STARD8: variants seen among roughly 807,000 people sequenced by gnomAD.
STARD8 encodes the protein stAR-related lipid transfer protein 8.
A neutral mutation model predicts 69.4 loss-of-function variants in STARD8; 25 were observed. The ratio of observed to expected loss-of-function variants is 0.36; its 90% CI spans 0.26 to 0.50. The LOEUF (loss-of-function observed/expected upper bound fraction) is 0.50. Ranked by LOEUF, STARD8 falls within the 20% of genes least tolerant of loss-of-function variation. The probability of loss-of-function intolerance (pLI) is 0.96; values close to 1 mark genes in which losing one functional copy is unlikely to be tolerated. For synonymous variants in STARD8, 389 were observed against 374.6 expected (o/e 1.04, Z -0.45); for missense variants, 921 against 932.5 (o/e 0.99, Z 0.16).
At chrX:68,721,929 G>T (rs1319473993) in intron 10 of STARD8, 118 bp from the exon 11 acceptor site, 5 of 812,682 alleles carry the variant, frequency 6.2e-6, no homozygotes, top group Non-Finnish European at 7.0e-6. Flanking sequence ...AAGGCAGCAG[G>T]TTGTTTTGTG....
rs183351756 is a variant in STARD8, at chrX:68,724,112, C to T, written c.3185C>T (p.Ala1062Val). Residue 1062 changes from alanine to valine, a missense_variant, in exon 14 of 15, where the codon GCT becomes GTT. By Grantham distance (64) the Ala-to-Val change is moderately conservative. Coordinates refer to ENST00000374599, the MANE Select transcript of STARD8 (RefSeq NM_001142503.3). The stretch of plus-strand genomic sequence containing the variant: ...TCTCGGCTCACACACATCTGCCGGG[C>T]TGACCTCAGGTATCAGGCCTGGGAC... ...GRSRLTHICR[A>V]DLRGRSPDWY... 36 of 1,208,534 alleles carry T rather than the reference C, an allele frequency of 3.0e-5. No individual in the cohort carries two copies. In the East Asian group the frequency reaches 9.5e-4, roughly 32 times the overall value.
At chrX:68,683,085 A>C (rs919257079) in intron 2 of STARD8, among the ~76,000 whole-genome samples, 1 of 112,258 alleles carries the variant, frequency 8.9e-6, no homozygotes, top group Non-Finnish European at 1.9e-5. Flanking sequence ...CAGGATTAGC[A>C]TCGATATAGG....
intron 3 of STARD8, among the ~76,000 whole-genome samples, chrX:68,713,810 C>G (rs768593163): frequency 2.7e-5 from 3 of 111,731 alleles, no homozygotes; most frequent in Non-Finnish European, 5.6e-5. Context: ...AGACCTCATC[C>G]CCAAGCTCCA....
chrX:68,720,345 C>T lies in STARD8; in HGVS notation c.1971C>T (p.His657=), dbSNP rs780054420. Residue 657 remains histidine (H), a synonymous_variant, in exon 8 of 15, where the codon CAC becomes CAT. Transcript: ENST00000374599. The part of the protein sequence containing the change: ...QHVFGVPPLI[H]VQRTGQPLPQ... Reference sequence around the variant, plus strand: ...TATTTGGGGTGCCACCCCTCATCCACGTGCAGCGCACGGGCCAGCCACTGC... The same window carrying T: ...TATTTGGGGTGCCACCCCTCATCCATGTGCAGCGCACGGGCCAGCCACTGC... 9 of 1,204,218 alleles carry T rather than the reference C, an allele frequency of 7.5e-6. No homozygotes were observed. Among genetic ancestry groups the T allele is most frequent in the African/African-American group, 6.9e-5 (4 of 57,741 alleles).
At position 68,717,587 on chromosome X, in the gene STARD8, C is replaced by T; in HGVS notation, c.673C>T (p.Gln225Ter). Reference protein sequence around the residue: ...SLRRKEKSGSQQAEPKHSPAT... With the variant: ...SLRRKEKSGS Reference sequence around the variant, plus strand: ...GAGGCGGAAGGAAAAGAGTGGCAGCCAGCAAGCAGAGCCCAAGCATAGTCC... The same window carrying T: ...GAGGCGGAAGGAAAAGAGTGGCAGCTAGCAAGCAGAGCCCAAGCATAGTCC... Residue 225 changes from glutamine (Q) to a stop codon, truncating the protein, a stop_gained, in exon 6 of 15, where the codon CAG becomes TAG. Transcript: ENST00000374599. LOFTEE classifies it high-confidence loss of function. 8.3e-7 allele frequency: 1 copy of T among 1,211,948 alleles called. No individual in the cohort carries two copies. The highest frequency in any genetic ancestry group is 1.1e-6 in the Non-Finnish European group (1 of 895,589).
chrX:68,708,213 A>T (rs759607699), intron 2 of STARD8, among the ~76,000 whole-genome samples: 1 of 112,916 alleles, frequency 8.9e-6, no homozygotes, highest in Non-Finnish European at 1.9e-5. Context: ...CAAAGCTTAG[A>T]GAATGACACG....
In STARD8 at chrX:68,721,617, C is replaced by A. The variant is rs1456446156; in HGVS notation, c.2330C>A (p.Thr777Asn). 1.7e-6 allele frequency: 2 copies of A among 1,210,739 alleles called. No homozygotes were observed. The highest frequency in any genetic ancestry group is 1.8e-5 in the South Asian group (1 of 56,855). Residue 777 changes from threonine to asparagine, a missense_variant, in exon 10 of 15, where the codon ACC becomes AAC. Physicochemically the swap from Thr to Asn is moderately conservative, Grantham distance 65 (BLOSUM62 0). Coordinates refer to ENST00000374599, the MANE Select transcript of STARD8 (RefSeq NM_001142503.3). ...LPDENREVLQ[T>N]LLYFLSDIAS... ...GATGAGAACCGAGAGGTGCTACAGA[C>A]CCTGCTCTACTTCTTAAGTGACATT...
At chrX:68,680,222 G>A (rs1400618031) in intron 2 of STARD8, among the ~76,000 whole-genome samples, 2 of 111,918 alleles carry the variant, frequency 1.8e-5, no homozygotes, top group Non-Finnish European at 3.8e-5. Flanking sequence ...CTGCAGGGCC[G>A]AGCAGGGGAG....
chrX:68,710,227 A>G (rs936171399), intron 2 of STARD8, among the ~76,000 whole-genome samples: 3 of 112,555 alleles, frequency 2.7e-5, no homozygotes, highest in Middle Eastern at 4.2e-3. Flanking sequence ...TGTAACTTTT[A>G]AAAAATACCA....
At chrX:68,672,909 T>C (rs1287252722) in intron 2 of STARD8, among the ~76,000 whole-genome samples, 1 of 111,657 alleles carries the variant, frequency 9.0e-6, no homozygotes, top group African/African-American at 3.3e-5. Flanking sequence ...TCCAACTCTG[T>C]GTTCATTTGT....
At chrX:68,661,945 CCT>C (rs748990661) in intron 1 of STARD8, among the ~76,000 whole-genome samples, 1,120 of 72,165 alleles carry the variant, frequency 0.016, 19 homozygotes, top group East Asian at 0.041. Context: ...CTCCCTCCTT[CCT>C]CTCTCTCTCT....
intron 2 of STARD8, among the ~76,000 whole-genome samples, chrX:68,697,797 A>G (rs995685099): frequency 7.2e-5 from 8 of 111,814 alleles, no homozygotes; most frequent in African/African-American, 2.6e-4. Flanking sequence ...GCTGAGGGAG[A>G]GATTCCCTCA....
In STARD8 at chrX:68,658,382, A is replaced by C. The variant is rs1021803359; in HGVS notation, c.46-7117A>C. Among the ~76,000 whole-genome samples the C allele has an allele frequency of 8.3e-4, 93 of 112,401 alleles. 1 individual carries two copies. Among genetic ancestry groups the C allele is most frequent in the African/African-American group, 2.8e-3 (86 of 30,937 alleles). On this transcript the variant is annotated intron_variant, in intron 1 of 14. Coordinates refer to ENST00000374599, the MANE Select transcript of STARD8 (RefSeq NM_001142503.3). The stretch of plus-strand genomic sequence containing the variant: ...AGGTAATCTAGTTTCAAAGTCCACT[A>C]TGTTCATGTAATCTGTGCTGCATTT...
At chrX:68,694,734 C>T (rs2079906020) in intron 2 of STARD8, among the ~76,000 whole-genome samples, 1 of 111,547 alleles carries the variant, frequency 9.0e-6, no homozygotes. Flanking sequence ...AAAAGGTTGT[C>T]TCTGAGACGC....
intron 2 of STARD8, among the ~76,000 whole-genome samples, chrX:68,702,066 C>T (rs943780611): frequency 5.4e-5 from 6 of 111,903 alleles, no homozygotes; most frequent in African/African-American, 2.0e-4. Flanking sequence ...ATCTTGCCTC[C>T]GAAGCAAGCT....
At chrX:68,658,035 G>A (rs921528569) in intron 1 of STARD8, among the ~76,000 whole-genome samples, 1 of 110,587 alleles carries the variant, frequency 9.0e-6, no homozygotes. Context: ...AAAATGAGTT[G>A]GAAGAGGCTG....
chrX:68,664,406 A>T (rs1381571066), intron 1 of STARD8, among the ~76,000 whole-genome samples: 1 of 112,092 alleles, frequency 8.9e-6, no homozygotes, highest in Non-Finnish European at 1.9e-5. Context: ...TAGAAATCAG[A>T]TCTTGTCATT....
intron 1 of STARD8, among the ~76,000 whole-genome samples, chrX:68,662,064 A>G (rs2079654600): frequency 9.7e-6 from 1 of 103,214 alleles, no homozygotes; most frequent in Non-Finnish European, 2.0e-5. Flanking sequence ...CTGGAGTGCC[A>G]TGGCGTGATC....
Position 68,724,704 on chromosome X carries a change from G to A in STARD8, c.*282G>A. On this transcript the variant is annotated 3_prime_UTR_variant, in exon 15 of 15. Transcript: ENST00000374599. ...ATGAGTAGCAAGACTGCTGCCACCA[G>A]CCACCTGCTTGTGAGGCCGCCACTT... The A allele has an allele frequency of 4.0e-6, 1 of 247,131 alleles. No individual in the cohort carries two copies. The allele number at this position is 247,131 out of a possible 1,213,427, so 20.4% of individuals were successfully genotyped here.
Sources: allele counts gnomAD v4.1 joint callset (sites outside exome capture counted in the v4.1 genomes callset), GRCh38; gene constraint gnomAD v4.1.1; transcripts MANE v1.5; gene names NCBI Gene and HGNC (gene_info 2026-07-23, HGNC 2026-07-21).